Variants in NTRK2 observed in about 807,000 individuals in gnomAD.
NTRK2 encodes the protein BDNF/NT-3 growth factors receptor.
In NTRK2, 13 loss-of-function variants were observed where a neutral mutation model predicts 94.5. The ratio of observed to expected loss-of-function variants is 0.14; its 90% CI spans 0.09 to 0.22. The LOEUF is 0.22. Ranked by LOEUF, NTRK2 falls within the 10% of genes least tolerant of loss-of-function variation. The pLI, the probability that NTRK2 is intolerant of heterozygous loss-of-function variation, is 1.00. For missense variants in NTRK2, 639 were observed against 1,071.2 expected (o/e 0.60, Z 5.63); for synonymous variants, 372 against 407.4 (o/e 0.91, Z 1.05).
chr9:84,985,078 A>G (rs1252273974), intron 17 of NTRK2, among the ~76,000 whole-genome samples: 1 of 152,272 alleles, frequency 6.6e-6, no homozygotes, highest in Non-Finnish European at 1.5e-5. Context: ...TAAAAATCAC[A>G]TATCTGTCCC....
chr9:84,919,719 A>G (rs2077502856), intron 14 of NTRK2, among the ~76,000 whole-genome samples: 1 of 152,236 alleles, frequency 6.6e-6, no homozygotes, highest in African/African-American at 2.4e-5. Context: ...AGGAAAATAT[A>G]TCTGTGAGCC....
rs1361042123 is a variant in NTRK2 at position 85,024,329 on chromosome 9, C to T, written c.*2892C>T. On this transcript the variant is annotated 3_prime_UTR_variant, in exon 19 of 19. Coordinates refer to ENST00000277120, the MANE Select transcript of NTRK2 (RefSeq NM_006180.6). ...TCTAAAATGTAATGATCACCAAATA[C>T]GGCCTTCCATCAAATTTGTGAAAAC... 6 of 232,750 alleles carry T rather than the reference C, an allele frequency of 2.6e-5. No homozygotes were observed. The highest frequency in any genetic ancestry group is 3.4e-5 in the Non-Finnish European group (4 of 117,800). The allele number at this position is 232,750 out of a possible 1,614,324, so 14.4% of individuals were successfully genotyped here. A position where few individuals can be genotyped will look rare whatever the true frequency, so the allele number is the denominator to read the frequency against.
rs761042296 is a variant in NTRK2, at chr9:84,882,719, T to TGTGTGTGCGCGCGCGC, written c.1633+15289_1633+15290insTGTGTGCGCGCGCGCG. Among the ~76,000 whole-genome samples the TGTGTGTGCGCGCGCGC allele has an allele frequency of 3.3e-3, 474 of 145,798 alleles. 1 individual carries two copies. The highest frequency in any genetic ancestry group is 4.3e-3 in the Non-Finnish European group (283 of 66,588). On this transcript the variant is annotated intron_variant, in intron 14 of 18. Coordinates refer to ENST00000277120, the MANE Select transcript of NTRK2 (RefSeq NM_006180.6). ...TCTAGTGTGTGTGTGTGTGTGTGTG[T>TGTGTGTGCGCGCGCGC]GCGCGCGCGCGCGCATGTGTGCATT...
At chr9:84,955,174 A>T (rs1026601528) in intron 16 of NTRK2, 109 bp from the exon 17 acceptor site, 19 of 848,536 alleles carry the variant, frequency 2.2e-5, no homozygotes, top group African/African-American at 5.0e-5. Context: ...CAGCAGCTAC[A>T]GGGTGGGGGT....
At chr9:84,789,851 T>C (rs2068543091) in intron 12 of NTRK2, among the ~76,000 whole-genome samples, 1 of 152,152 alleles carries the variant, frequency 6.6e-6, no homozygotes, top group Non-Finnish European at 1.5e-5. Context: ...CAGAGCCTTA[T>C]TTGGTGATTG....
intron 9 of NTRK2, among the ~76,000 whole-genome samples, chr9:84,736,408 C>G (rs1354645555): frequency 6.6e-6 from 1 of 152,206 alleles, no homozygotes; most frequent in Non-Finnish European, 1.5e-5. Context: ...TGAACTAGAG[C>G]TCTCTGCGGC....
rs537702579 is a variant in NTRK2, at chr9:84,725,672, A to G, written c.853+1316A>G. Among the ~76,000 whole-genome samples the G allele has an allele frequency of 8.8e-5, 13 of 148,502 alleles. No homozygotes were observed. In the South Asian group the frequency reaches 2.7e-3, roughly 31 times the overall value. On this transcript the variant is annotated intron_variant, in intron 8 of 18. Coordinates refer to ENST00000277120, the MANE Select transcript of NTRK2 (RefSeq NM_006180.6). ...TATTATATATATATTATGTATATAT[A>G]TATGCATATGTATAATATATATAGG... is the stretch of plus-strand genomic sequence containing the variant.
At chr9:84,740,974 G>A (rs1396333936) in intron 9 of NTRK2, among the ~76,000 whole-genome samples, 1 of 152,212 alleles carries the variant, frequency 6.6e-6, no homozygotes, top group Non-Finnish European at 1.5e-5. Context: ...CACATGGCAA[G>A]TGAGGACTAA....
At chr9:84,839,087 C>T (rs1207780716) in intron 12 of NTRK2, among the ~76,000 whole-genome samples, 4 of 152,110 alleles carry the variant, frequency 2.6e-5, no homozygotes, top group Admixed American at 6.5e-5. Context: ...TGATTCAGAA[C>T]GATGCTTTGT....
chr9:84,923,810 C>T (rs188126034), intron 14 of NTRK2, among the ~76,000 whole-genome samples: 4 of 151,896 alleles, frequency 2.6e-5, no homozygotes, highest in Admixed American at 2.0e-4. Context: ...CCCAATTACT[C>T]GGGAGGTTGA....
intron 13 of NTRK2, among the ~76,000 whole-genome samples, chr9:84,862,204 C>A (rs1224799949): frequency 6.6e-6 from 1 of 152,194 alleles, no homozygotes; most frequent in African/African-American, 2.4e-5. Flanking sequence ...GTAGTCAGGG[C>A]TTCTAGGCAG....
chr9:84,858,570 A>G (rs1239575515), intron 12 of NTRK2, among the ~76,000 whole-genome samples: 2 of 151,782 alleles, frequency 1.3e-5, no homozygotes, highest in Non-Finnish European at 2.9e-5. Flanking sequence ...TCTATTTTCT[A>G]GAAATCCTCT....
In NTRK2 at chr9:84,832,373, G is replaced by A. The variant is rs1468634915; in HGVS notation, c.1397-28667G>A. Among the ~76,000 whole-genome samples, 3 of 152,310 alleles carry A rather than the reference G, an allele frequency of 2.0e-5. No homozygotes were observed. The East Asian group carries it at 5.8e-4, about 29-fold the overall frequency. ...AGAAAAATATAACAAGGTAGAGCAA[G>A]ATAAAGATATTAAAGAACCAAGTGC... On this transcript the variant is annotated intron_variant, in intron 12 of 18. Coordinates refer to ENST00000277120, the MANE Select transcript of NTRK2 (RefSeq NM_006180.6).
chr9:84,968,043 T>A (rs982333382), intron 17 of NTRK2, among the ~76,000 whole-genome samples: 7 of 152,134 alleles, frequency 4.6e-5, no homozygotes, highest in Non-Finnish European at 8.8e-5. Flanking sequence ...TGATGTGGGG[T>A]CTTGTAAGGA....
chr9:84,897,131 T>C (rs1388694686), intron 14 of NTRK2, among the ~76,000 whole-genome samples: 1 of 150,226 alleles, frequency 6.7e-6, no homozygotes, highest in African/African-American at 2.5e-5. Flanking sequence ...AGGACCCTTC[T>C]GAGCCCCCAT....
chr9:84,758,660 G>A (rs2065285961), intron 12 of NTRK2, among the ~76,000 whole-genome samples: 1 of 152,242 alleles, frequency 6.6e-6, no homozygotes, highest in Middle Eastern at 3.4e-3. Context: ...CAAAGTGTTT[G>A]GATTATAGGC....
intron 14 of NTRK2, among the ~76,000 whole-genome samples, chr9:84,920,049 C>G (rs893562499): frequency 9.2e-5 from 14 of 152,314 alleles, no homozygotes; most frequent in African/African-American, 3.4e-4. Context: ...TTATCACCAC[C>G]AGACCCCTGC....
chr9:85,000,358 G>A (rs550302150), intron 17 of NTRK2, among the ~76,000 whole-genome samples: 1 of 152,170 alleles, frequency 6.6e-6, no homozygotes, highest in East Asian at 1.9e-4. Flanking sequence ...ACACAGAATA[G>A]TTTCACTGCC....
chr9:84,991,246 C>T (rs375371161), intron 17 of NTRK2, among the ~76,000 whole-genome samples: 7 of 152,226 alleles, frequency 4.6e-5, no homozygotes, highest in Non-Finnish European at 2.9e-5. Flanking sequence ...GATCAGAGCA[C>T]ATTCAATCTC....
Sources: gnomAD v4.1 joint callset for allele counts (sites outside exome capture counted in the v4.1 genomes callset) on GRCh38, gnomAD v4.1.1 for gene constraint, MANE v1.5 for transcripts, NCBI Gene and HGNC (gene_info 2026-07-23, HGNC 2026-07-21) for gene names.